TANGO6: variants seen among roughly 807,000 people sequenced by gnomAD.
TANGO6 encodes transport and Golgi organization protein 6 homolog.
In TANGO6, 90 loss-of-function variants were observed where a neutral mutation model predicts 114.2. The ratio of observed to expected loss-of-function variants is 0.79; its 90% CI spans 0.66 to 0.94. The LOEUF (loss-of-function observed/expected upper bound fraction) is 0.94. Ranked by LOEUF, TANGO6 falls within the 40% of genes least tolerant of loss-of-function variation. The pLI is 0.00. For synonymous variants in TANGO6, 477 were observed against 509.8 expected (o/e 0.94, Z 0.87); for missense variants, 1,274 against 1,315.3 (o/e 0.97, Z 0.49).
intron 15 of TANGO6, among the ~76,000 whole-genome samples, chr16:68,977,878 G>T (rs536769711): frequency 1.5e-3 from 221 of 151,814 alleles, no homozygotes; most frequent in African/African-American, 4.8e-3. Flanking sequence ...TAGAGACAGG[G>T]TTTCACCATG....
At chr16:68,850,521 T>C (rs1023589190) in intron 1 of TANGO6, among the ~76,000 whole-genome samples, 4 of 152,210 alleles carry the variant, frequency 2.6e-5, no homozygotes, top group Non-Finnish European at 5.9e-5. Flanking sequence ...GGTTTTTGTT[T>C]GGTTTTTGTT....
intron 15 of TANGO6, among the ~76,000 whole-genome samples, chr16:69,005,352 C>T (rs939849072): frequency 4.6e-5 from 7 of 152,170 alleles, no homozygotes; most frequent in Non-Finnish European, 1.0e-4. Context: ...ACAGGGTGGG[C>T]TACTAAGGAA....
At chr16:68,901,978 AG>A in intron 8 of TANGO6, among the ~76,000 whole-genome samples, 2 of 151,502 alleles carry the variant, frequency 1.3e-5, no homozygotes, top group East Asian at 3.9e-4. Flanking sequence ...TGCTGAGAGT[AG>A]ATGATTTTTA....
intron 14 of TANGO6, among the ~76,000 whole-genome samples, chr16:68,932,669 A>G (rs1034179255): frequency 6.6e-6 from 1 of 152,074 alleles, no homozygotes; most frequent in Non-Finnish European, 1.5e-5. Context: ...GGGCACCTGT[A>G]ATCCCGGCTA....
chr16:69,007,269 C>CTTTTTTTTTTTTTTTTTTT (rs546825543), intron 15 of TANGO6: 1 of 112,784 alleles, frequency 8.9e-6, no homozygotes, highest in Non-Finnish European at 1.9e-5. Flanking sequence ...TTTTTCTTTT[C>CTTTTTTTTTTTTTTTTTTT]TTTTTTTTTT....
chr16:69,018,324 A>G (rs1959340555), intron 15 of TANGO6, among the ~76,000 whole-genome samples: 1 of 150,244 alleles, frequency 6.7e-6, no homozygotes, highest in Non-Finnish European at 1.5e-5. Context: ...TCTTTTTAAT[A>G]TTTTTAGTAG....
In TANGO6 at chr16:68,989,426, T is replaced by C. The variant is rs535998438; in HGVS notation, c.2842+15258T>C. On this transcript the variant is annotated intron_variant, in intron 15 of 17. Transcript: ENST00000261778. ...TTTAACTCATCCAGTGAATATTTTA[T>C]TTTCGATATTGTATTTTGCATTTCT... Among the ~76,000 whole-genome samples the C allele has an allele frequency of 6.6e-5, 10 of 152,332 alleles. No homozygotes were observed. In the East Asian group the frequency reaches 1.9e-3, roughly 29 times the overall value.
At chr16:69,004,236 C>G (rs1367786605) in intron 15 of TANGO6, among the ~76,000 whole-genome samples, 1 of 152,102 alleles carries the variant, frequency 6.6e-6, no homozygotes, top group Non-Finnish European at 1.5e-5. Flanking sequence ...GTAAACACAG[C>G]TAGACATGTA....
chr16:68,925,766 C>T (rs770928122), intron 12 of TANGO6, among the ~76,000 whole-genome samples: 2 of 151,856 alleles, frequency 1.3e-5, no homozygotes, highest in African/African-American at 2.4e-5. Flanking sequence ...GGTTTATGAT[C>T]CATTTCAAGT....
chr16:68,979,278 G>A (rs1401759469), intron 15 of TANGO6, among the ~76,000 whole-genome samples: 4 of 151,856 alleles, frequency 2.6e-5, no homozygotes, highest in Non-Finnish European at 4.4e-5. Context: ...TATCCAGGCC[G>A]GAGTGCAGTG....
intron 14 of TANGO6, among the ~76,000 whole-genome samples, chr16:68,968,592 T>C (rs1411887453): frequency 6.6e-6 from 1 of 151,760 alleles, no homozygotes; most frequent in Non-Finnish European, 1.5e-5. Context: ...CTCGAACTCC[T>C]GACCTCAGGT....
At chr16:68,936,625 G>A (rs1476975137) in intron 14 of TANGO6, among the ~76,000 whole-genome samples, 8 of 152,184 alleles carry the variant, frequency 5.3e-5, no homozygotes, top group South Asian at 2.1e-4. Flanking sequence ...GTGAGCCACC[G>A]CACCCTGCCT....
chr16:68,916,683 C>G (rs1238876139), intron 11 of TANGO6, among the ~76,000 whole-genome samples: 2 of 152,092 alleles, frequency 1.3e-5, no homozygotes, highest in Admixed American at 6.6e-5. Flanking sequence ...AGGAGGAAAC[C>G]TCCTTTTGAG....
intron 14 of TANGO6, among the ~76,000 whole-genome samples, chr16:68,934,519 G>A (rs1337116532): frequency 9.2e-5 from 14 of 152,116 alleles, no homozygotes; most frequent in Admixed American, 6.6e-4. Flanking sequence ...TACGAGTAAC[G>A]GGTTTCAAGA....
intron 14 of TANGO6, among the ~76,000 whole-genome samples, chr16:68,940,422 C>T (rs1021195192): frequency 5.9e-5 from 9 of 152,036 alleles, no homozygotes; most frequent in African/African-American, 1.7e-4. Flanking sequence ...ATTTTAATTA[C>T]AGCATCTTAT....
In TANGO6 at chr16:68,973,604, T is replaced by A. The variant is rs894552567; in HGVS notation, c.2702-424T>A. ...GGACTCAGGGTCAGGGTCTTCCCTATTTCTGTTGATTAGGAAACTCAGCCA... is the reference window on the plus strand; with the variant it reads ...GGACTCAGGGTCAGGGTCTTCCCTAATTCTGTTGATTAGGAAACTCAGCCA... On this transcript the variant is annotated intron_variant, in intron 14 of 17. Transcript: ENST00000261778. 7.2e-5 allele frequency among the ~76,000 whole-genome samples: 11 copies of A among 152,176 alleles called. 1 individual carries two copies. Among genetic ancestry groups the A allele is most frequent in the African/African-American group, 2.7e-4 (11 of 41,454 alleles).
In TANGO6 at chr16:69,022,908, G is replaced by T; in HGVS notation, c.2923G>T (p.Ala975Ser). 1 of 1,601,096 alleles carries T rather than the reference G, an allele frequency of 6.2e-7. No individual in the cohort carries two copies. Among genetic ancestry groups the T allele is most frequent in the Non-Finnish European group, 8.5e-7 (1 of 1,173,778 alleles). The change falls in exon 16 of 18, where the codon GCC becomes TCC. Residue 975 changes from alanine (A) to serine (S), a missense_variant. Ala to Ser is a moderately conservative substitution (Grantham distance 99, BLOSUM62 1). Around this residue, in one of 5 missense-constraint regions of TANGO6, gnomAD observed 238 missense variants for 252.9 expected, o/e 0.94. Transcript: ENST00000261778. ...GAGAGATCCTGATGGTGCTCACAGG[G>T]CCAGCAGCTTGGCCAACCTTGGGGA... ...GVRDPDGAHR[A>S]SSLANLGELC...
At chr16:68,934,305 A>G (rs1305616682) in intron 14 of TANGO6, among the ~76,000 whole-genome samples, 3 of 152,160 alleles carry the variant, frequency 2.0e-5, no homozygotes, top group Admixed American at 2.0e-4. Context: ...TCAGCCTCCC[A>G]AAGTGCTGGG....
At chr16:68,999,129 C>T (rs1178318836) in intron 15 of TANGO6, among the ~76,000 whole-genome samples, 1 of 152,146 alleles carries the variant, frequency 6.6e-6, no homozygotes, top group Non-Finnish European at 1.5e-5. Flanking sequence ...GGTGATCTCC[C>T]ACCTCGGCTT....
Sources: gnomAD v4.1 joint callset for allele counts (sites outside exome capture counted in the v4.1 genomes callset) on GRCh38, gnomAD v4.1.1 for gene constraint, gnomAD v4.1.1 regional missense constraint, MANE v1.5 for transcripts, NCBI Gene and HGNC (gene_info 2026-07-23, HGNC 2026-07-21) for gene names.